Variants in SYNDIG1 observed in about 807,000 individuals in gnomAD.
SYNDIG1 encodes synapse differentiation inducing 1.
A neutral mutation model predicts 19.4 loss-of-function variants in SYNDIG1; 9 were observed. The observed-to-expected ratio is 0.46, with a 90% CI of 0.28 to 0.81. The LOEUF (loss-of-function observed/expected upper bound fraction) is 0.81. SYNDIG1 is among the 30% of genes least tolerant of loss of function. The probability of loss-of-function intolerance (pLI) is 0.12; values close to 1 mark genes in which losing one functional copy is unlikely to be tolerated. For synonymous variants in SYNDIG1, 141 were observed against 145.9 expected (o/e 0.97, Z 0.24); for missense variants, 311 against 343.3 (o/e 0.91, Z 0.74).
chr20:24,583,585 C>T (rs1299210128), intron 2 of SYNDIG1, among the ~76,000 whole-genome samples: 2 of 152,140 alleles, frequency 1.3e-5, no homozygotes, highest in African/African-American at 2.4e-5. Context: ...GTGAGGGCTC[C>T]GTATTTTGAT....
intron 2 of SYNDIG1, among the ~76,000 whole-genome samples, chr20:24,571,073 G>A (rs1055544765): frequency 1.6e-4 from 25 of 152,142 alleles, no homozygotes; most frequent in Admixed American, 5.9e-4. Flanking sequence ...TCGAAAAGAC[G>A]AAACTGTAAC....
At chr20:24,576,354 A>G (rs935457146) in intron 2 of SYNDIG1, among the ~76,000 whole-genome samples, 4 of 152,232 alleles carry the variant, frequency 2.6e-5, no homozygotes, top group African/African-American at 9.6e-5. Context: ...AATACAGTTG[A>G]CATTTTAACG....
At chr20:24,645,403 G>A (rs1457092981) in intron 3 of SYNDIG1, among the ~76,000 whole-genome samples, 2 of 152,254 alleles carry the variant, frequency 1.3e-5, no homozygotes, top group African/African-American at 4.8e-5. Context: ...CCAACCATTA[G>A]ACGAGAGCCC....
At chr20:24,486,792 G>A (rs531474074) in intron 1 of SYNDIG1, among the ~76,000 whole-genome samples, 3 of 152,096 alleles carry the variant, frequency 2.0e-5, no homozygotes, top group South Asian at 4.2e-4. Flanking sequence ...CTGAGTATCT[G>A]GGACTACAGG....
chr20:24,486,509 G>A (rs73901844), intron 1 of SYNDIG1, among the ~76,000 whole-genome samples: 5,425 of 152,238 alleles, frequency 0.036, 308 homozygotes, highest in African/African-American at 0.12. Context: ...TTACTGAAAT[G>A]TCTGTTCAAG....
intron 3 of SYNDIG1, among the ~76,000 whole-genome samples, chr20:24,657,278 G>T (rs1215768993): frequency 2.0e-5 from 3 of 152,190 alleles, no homozygotes. Flanking sequence ...CGCAGTTCCC[G>T]TGTATGTTTA....
chr20:24,584,780 C>A, intron 2 of SYNDIG1, 76 bp from the exon 3 acceptor site: 1 of 1,601,482 alleles, frequency 6.2e-7, no homozygotes, highest in East Asian at 2.2e-5. Flanking sequence ...GGGGTCATCC[C>A]ACATCCCTGG....
At chr20:24,541,500 C>G (rs965572095) in intron 1 of SYNDIG1, among the ~76,000 whole-genome samples, 1 of 152,194 alleles carries the variant, frequency 6.6e-6, no homozygotes, top group African/African-American at 2.4e-5. Context: ...GTCTCCTCCT[C>G]CAGCTGCCTT....
At chr20:24,645,230 C>T (rs6114814) in intron 3 of SYNDIG1, among the ~76,000 whole-genome samples, 1 of 152,288 alleles carries the variant, frequency 6.6e-6, no homozygotes, top group African/African-American at 2.4e-5. Flanking sequence ...CCAAACTGTC[C>T]TTAAGGATCT....
intron 1 of SYNDIG1, among the ~76,000 whole-genome samples, chr20:24,471,490 C>T (rs2055455194): frequency 6.6e-6 from 1 of 151,724 alleles, no homozygotes. Flanking sequence ...TCTCTCTCCA[C>T]CGCCCGCCCC....
intron 1 of SYNDIG1, among the ~76,000 whole-genome samples, chr20:24,499,728 C>T (rs1441190074): frequency 1.3e-5 from 2 of 152,158 alleles, no homozygotes; most frequent in African/African-American, 4.8e-5. Context: ...AGAGGCTGCT[C>T]ACTGGTGGGA....
chr20:24,647,367 G>A (rs2059431871), intron 3 of SYNDIG1, among the ~76,000 whole-genome samples: 1 of 152,154 alleles, frequency 6.6e-6, no homozygotes, highest in South Asian at 2.1e-4. Context: ...AGAATCGGGG[G>A]AATCTGCTTT....
chr20:24,567,471 C>T (rs866692583), intron 2 of SYNDIG1, among the ~76,000 whole-genome samples: 1 of 152,198 alleles, frequency 6.6e-6, no homozygotes, highest in Non-Finnish European at 1.5e-5. Flanking sequence ...CTCCACTCTC[C>T]CCAGGATGGT....
At chr20:24,546,197 C>T (rs1236560000) in intron 2 of SYNDIG1, among the ~76,000 whole-genome samples, 1 of 152,210 alleles carries the variant, frequency 6.6e-6, no homozygotes, top group Admixed American at 6.5e-5. Context: ...TTTTCATTCC[C>T]TTCTTCGGTA....
chr20:24,506,096 G>C (rs1427619142), intron 1 of SYNDIG1, among the ~76,000 whole-genome samples: 1 of 152,180 alleles, frequency 6.6e-6, no homozygotes, highest in African/African-American at 2.4e-5. Flanking sequence ...CCTGGCCCCA[G>C]TTTATCCTAA....
chr20:24,481,830 T>TA (rs1167841539), intron 1 of SYNDIG1, among the ~76,000 whole-genome samples: 2 of 152,104 alleles, frequency 1.3e-5, no homozygotes, highest in Non-Finnish European at 2.9e-5. Flanking sequence ...CCCTATTTCA[T>TA]AAAAAGTTCT....
intron 2 of SYNDIG1, among the ~76,000 whole-genome samples, chr20:24,554,160 C>A (rs928629465): frequency 7.2e-5 from 11 of 152,094 alleles, no homozygotes; most frequent in Admixed American, 2.0e-4. Flanking sequence ...GATTTTGTAT[C>A]CTGAGACTTT....
At chr20:24,605,031 G>A (rs1444812665) in intron 3 of SYNDIG1, among the ~76,000 whole-genome samples, 1 of 152,146 alleles carries the variant, frequency 6.6e-6, no homozygotes, top group Non-Finnish European at 1.5e-5. Flanking sequence ...GAGAGTCACA[G>A]GGCATCCAAG....
intron 3 of SYNDIG1, among the ~76,000 whole-genome samples, chr20:24,621,342 T>C (rs915313425): frequency 2.0e-5 from 3 of 152,252 alleles, no homozygotes; most frequent in African/African-American, 7.2e-5. Flanking sequence ...TGCATTGCAC[T>C]TTGAAGGTTT....
Sources: gnomAD v4.1 joint callset for allele counts (sites outside exome capture counted in the v4.1 genomes callset) on GRCh38, gnomAD v4.1.1 for gene constraint, MANE v1.5 for transcripts, NCBI Gene and HGNC (gene_info 2026-07-23, HGNC 2026-07-21) for gene names.